Variants in PLA2G6 observed in about 807,000 individuals in gnomAD.
The protein encoded by PLA2G6 is phospholipase A2 group VI.
Under a neutral mutation model 83.8 loss-of-function variants are expected in PLA2G6, and 62 were observed. The ratio of observed to expected loss-of-function variants is 0.74; its 90% CI spans 0.60 to 0.91. PLA2G6 has a LOEUF of 0.91. Among genes scored for constraint, PLA2G6 ranks in the 40% least tolerant of loss-of-function variants. PLA2G6 has a pLI of 0.00. For missense variants in PLA2G6, 944 were observed against 1,102.0 expected (o/e 0.86, Z 2.03); for synonymous variants, 417 against 449.8 (o/e 0.93, Z 0.92).
intron 2 of PLA2G6, chr22:38,149,772 T>C (rs1448418368): frequency 6.6e-6 from 1 of 152,038 alleles, no homozygotes; most frequent in Non-Finnish European, 1.5e-5. Flanking sequence ...CCATGTCTAC[T>C]AAAAATATAA....
chr22:38,133,003 A>C lies in PLA2G6; in HGVS notation c.905T>G (p.Met302Arg). Residue 302 changes from methionine to arginine, a missense_variant, in exon 7 of 17, where the codon ATG (methionine) becomes AGG (arginine). By Grantham distance (91) the Met-to-Arg change is moderately conservative. Coordinates refer to ENST00000332509, the MANE Select transcript of PLA2G6 (RefSeq NM_003560.4). ...CACGTTGCAGCCCCGTTTCAGCAGC[A>C]TGCGGGCCATCTGCGGGAGACGGTC... Reference protein sequence around the residue: ...HWAKNAEMARMLLKRGCNVNS... With the variant: ...HWAKNAEMARRLLKRGCNVNS... The C allele has an allele frequency of 2.6e-6, 4 of 1,564,262 alleles. No homozygotes were observed. The South Asian group carries it at 4.7e-5, about 18-fold the overall frequency.
At chr22:38,112,845 C>T (rs1009700281) in intron 15 of PLA2G6, 16 of 582,584 alleles carry the variant, frequency 2.7e-5, no homozygotes, top group Non-Finnish European at 4.3e-5. Context: ...GCTGAGTCGA[C>T]AGGCCTCCAT....
At chr22:38,117,911 C>T (rs2087300502) in intron 12 of PLA2G6, among the ~76,000 whole-genome samples, 1 of 151,864 alleles carries the variant, frequency 6.6e-6, no homozygotes. Flanking sequence ...TGGTGCACGC[C>T]TATAATCCCA....
At chr22:38,176,525 A>T (rs1200062283) in intron 1 of PLA2G6, among the ~76,000 whole-genome samples, 1 of 152,168 alleles carries the variant, frequency 6.6e-6, no homozygotes, top group Non-Finnish European at 1.5e-5. Flanking sequence ...CACCCTCCTG[A>T]GCACCCTCCT....
In PLA2G6 at chr22:38,126,457, GCA is replaced by G. The variant is rs1403833409; in HGVS notation, c.1349-10_1349-9del. The stretch of plus-strand genomic sequence containing the variant: ...GCATGAGATCCTGTAGTTCTGTGAG[GCA>G]CAGAGCAGGGCATGCTGTGGTCAGG... On this transcript the variant is annotated splice_polypyrimidine_tract_variant and intron_variant, in intron 9 of 16. Transcript: ENST00000332509. 1.2e-6 allele frequency: 2 copies of G among 1,608,446 alleles called. No individual in the cohort carries two copies. The highest frequency in any genetic ancestry group is 1.3e-5 in the African/African-American group (1 of 74,930).
At chr22:38,129,825 G>A (rs906644051) in intron 7 of PLA2G6, among the ~76,000 whole-genome samples, 3 of 152,160 alleles carry the variant, frequency 2.0e-5, no homozygotes, top group Admixed American at 6.5e-5. Context: ...GAAGTGACTC[G>A]CCCCTGCTCT....
intron 1 of PLA2G6, among the ~76,000 whole-genome samples, chr22:38,177,419 G>A (rs1291446723): frequency 6.6e-6 from 1 of 151,578 alleles, no homozygotes; most frequent in East Asian, 1.9e-4. Flanking sequence ...GCACCCACAG[G>A]GCGCCAGACG....
chr22:38,130,074 C>T (rs938119963), intron 7 of PLA2G6: 2 of 253,236 alleles, frequency 7.9e-6, no homozygotes, highest in South Asian at 1.0e-4. Flanking sequence ...CATTTCCACA[C>T]CTGGAGGCCG....
At chr22:38,154,383 C>G (rs2089693538) in intron 2 of PLA2G6, among the ~76,000 whole-genome samples, 1 of 152,206 alleles carries the variant, frequency 6.6e-6, no homozygotes, top group Non-Finnish European at 1.5e-5. Context: ...CCTCTCCTAG[C>G]TCCAGGCGGC....
In PLA2G6 at chr22:38,132,714, T is replaced by C; in HGVS notation, c.1077+117A>G. ...CTGAACTGAGCTTTGGGTGGGAAGA[T>C]GATTTGGAGCAGCTGACGATAGGAG... On this transcript the variant is annotated intron_variant, in intron 7 of 16. Transcript: ENST00000332509. This position sits in a 1 kb window ranked among gnomAD's most constrained non-coding sequence, Gnocchi z 5.0. The C allele has an allele frequency of 2.1e-6, 2 of 938,604 alleles. No homozygotes were observed. Among genetic ancestry groups the C allele is most frequent in the Non-Finnish European group, 3.2e-6 (2 of 621,728 alleles). 58.1% of individuals were successfully genotyped at this position (938,604 alleles called of 1,614,324 possible). A position where few individuals can be genotyped will look rare whatever the true frequency, so the allele number is the denominator to read the frequency against.
In PLA2G6 at chr22:38,137,452, A is replaced by C. The variant is rs576427119; in HGVS notation, c.798-2368T>G. Reference sequence around the variant, plus strand: ...AGCCTCCATCTCACTGTCTGGGATTATCTGTTTCCCTTCCTCAGCAGGGGC... The same window carrying C: ...AGCCTCCATCTCACTGTCTGGGATTCTCTGTTTCCCTTCCTCAGCAGGGGC... On this transcript the variant is annotated intron_variant, in intron 5 of 16. Transcript: ENST00000332509. The C allele has an allele frequency of 2.0e-5, 3 of 152,374 alleles. No homozygotes were observed. In the South Asian group the frequency reaches 6.2e-4, roughly 32 times the overall value. 9.4% of individuals were successfully genotyped at this position (152,374 alleles called of 1,614,324 possible).
chr22:38,159,950 C>T lies in PLA2G6; in HGVS notation c.209+9268G>A, dbSNP rs1371359189. 3.3e-5 allele frequency among the ~76,000 whole-genome samples: 5 copies of T among 152,136 alleles called. 1 individual carries two copies. Among genetic ancestry groups the T allele is most frequent in the Non-Finnish European group, 7.3e-5 (5 of 68,028 alleles). On this transcript the variant is annotated intron_variant, in intron 2 of 16. Transcript: ENST00000332509. ...ATTAAAAGAATAAAAAGGCAAAACA[C>T]CGTGTGTGCAGCTGAACACGTATCA...
intron 2 of PLA2G6, among the ~76,000 whole-genome samples, chr22:38,159,576 T>C (rs767291132): frequency 4.0e-5 from 6 of 151,890 alleles, no homozygotes; most frequent in Non-Finnish European, 8.8e-5. Context: ...AAAAAATTTT[T>C]AAAATTAGCC....
At chr22:38,122,387 T>A (rs1277360150) in intron 11 of PLA2G6, among the ~76,000 whole-genome samples, 1 of 151,964 alleles carries the variant, frequency 6.6e-6, no homozygotes, top group African/African-American at 2.4e-5. Context: ...GCAGTGCCCC[T>A]CCCCACCTGT....
chr22:38,126,069 TCC>T (rs1179913599), intron 10 of PLA2G6: 4 of 432,590 alleles, frequency 9.2e-6, no homozygotes, highest in African/African-American at 8.1e-5. Flanking sequence ...CCCAGGCATC[TCC>T]CCCTCTTCTA....
chr22:38,145,013 T>C (rs1174191033), intron 3 of PLA2G6: 25 of 353,760 alleles, frequency 7.1e-5, no homozygotes, highest in Non-Finnish European at 1.4e-4. Context: ...TACATTTTAA[T>C]CTGGTAGCAA....
At chr22:38,150,578 T>C (rs2089512193) in intron 2 of PLA2G6, 1 of 152,242 alleles carries the variant, frequency 6.6e-6, no homozygotes, top group African/African-American at 2.4e-5. Flanking sequence ...TAACTGATAA[T>C]GATACATATG....
At chr22:38,116,328 G>C (rs774882038) in intron 12 of PLA2G6, 117 bp from the exon 13 acceptor site, 1 of 1,119,498 alleles carries the variant, frequency 8.9e-7, no homozygotes, top group South Asian at 1.3e-5. Flanking sequence ...ACCTCTGTTC[G>C]GGATAGGTGG....
chr22:38,127,432 A>G (rs771473239), intron 9 of PLA2G6: 2 of 1,331,144 alleles, frequency 1.5e-6, no homozygotes, highest in South Asian at 2.4e-5. Flanking sequence ...CCCCAGGCCC[A>G]CCATCCGGCC....
Sources: gnomAD v4.1 joint callset for allele counts (sites outside exome capture counted in the v4.1 genomes callset) on GRCh38, gnomAD v4.1.1 for gene constraint, Gnocchi (gnomAD v3.1) non-coding constraint, MANE v1.5 for transcripts, NCBI Gene and HGNC (gene_info 2026-07-23, HGNC 2026-07-21) for gene names.